Variants in ARHGAP32 observed in about 807,000 individuals in gnomAD.
The protein encoded by ARHGAP32 is Rho GTPase activating protein 32.
ARHGAP32 carries 51 observed loss-of-function variants against 186.5 expected under a neutral mutation model. That is an observed-to-expected ratio of 0.27 (90% CI 0.22 to 0.35). The LOEUF is 0.35. ARHGAP32 is among the 10% of genes least tolerant of loss of function. The pLI, the probability that ARHGAP32 is intolerant of heterozygous loss-of-function variation, is 1.00. For missense variants in ARHGAP32, 2,186 were observed against 2,623.5 expected (o/e 0.83, Z 3.64); for synonymous variants, 950 against 964.3 (o/e 0.99, Z 0.27).
At chr11:129,053,977 C>T (rs2135096032) in intron 10 of ARHGAP32, among the ~76,000 whole-genome samples, 1 of 151,978 alleles carries the variant, frequency 6.6e-6, no homozygotes, top group South Asian at 2.1e-4. Context: ...AGCTACTATA[C>T]AAGATAAGGT....
At chr11:129,239,002 TTTTG>T (rs1369872890) in intron 1 of ARHGAP32, among the ~76,000 whole-genome samples, 1 of 151,892 alleles carries the variant, frequency 6.6e-6, no homozygotes, top group African/African-American at 2.4e-5. Context: ...GCCCGTCTAA[TTTTG>T]TTTATTATTT....
At chr11:129,038,430 A>T (rs566290648) in intron 11 of ARHGAP32, among the ~76,000 whole-genome samples, 1 of 152,178 alleles carries the variant, frequency 6.6e-6, no homozygotes, top group East Asian at 1.9e-4. Flanking sequence ...TTAAATAAGG[A>T]ATCAAAAGCA....
At chr11:129,227,605 A>G (rs1479120596) in intron 1 of ARHGAP32, among the ~76,000 whole-genome samples, 1 of 152,092 alleles carries the variant, frequency 6.6e-6, no homozygotes, top group East Asian at 1.9e-4. Context: ...CAATACCAAA[A>G]GGAGAGATGA....
At chr11:129,193,262 A>AAGAGTT (rs1944300762), upstream of ARHGAP32, among the ~76,000 whole-genome samples, 1 of 121,810 alleles carries the variant, frequency 8.2e-6, no homozygotes, top group Non-Finnish European at 1.6e-5. Flanking sequence ...ACTTGAGCTC[A>AAGAGTT]AGAGTTCAAG....
intron 5 of ARHGAP32, among the ~76,000 whole-genome samples, chr11:129,104,700 A>T (rs1942002491): frequency 6.6e-6 from 1 of 152,082 alleles, no homozygotes; most frequent in Non-Finnish European, 1.5e-5. Context: ...AAGAGAAAGA[A>T]GATGGCCAAA....
intron 11 of ARHGAP32, among the ~76,000 whole-genome samples, chr11:129,017,284 T>C: frequency 6.6e-6 from 1 of 151,806 alleles, no homozygotes; most frequent in Admixed American, 6.6e-5. Context: ...CGAAAACCTG[T>C]CTCTACTAAA....
intron 5 of ARHGAP32, among the ~76,000 whole-genome samples, chr11:129,106,114 T>G (rs1487934644): frequency 6.6e-6 from 1 of 152,128 alleles, no homozygotes; most frequent in Non-Finnish European, 1.5e-5. Flanking sequence ...AGTTTGGAGA[T>G]ATCTCAAAAG....
chr11:128,989,359 G>A (rs1336284246), intron 12 of ARHGAP32, among the ~76,000 whole-genome samples: 1 of 151,976 alleles, frequency 6.6e-6, no homozygotes, highest in Admixed American at 6.6e-5. Flanking sequence ...TATCCTACAA[G>A]GAAAGTACTA....
At chr11:129,132,788 TCAGA>T (rs1349370916) in intron 2 of ARHGAP32, among the ~76,000 whole-genome samples, 2 of 152,168 alleles carry the variant, frequency 1.3e-5, no homozygotes, top group Non-Finnish European at 1.5e-5. Context: ...ATTGGACTAA[TCAGA>T]CAAAGACTTT....
chr11:129,205,671 G>A (rs967721318), intron 1 of ARHGAP32, among the ~76,000 whole-genome samples: 1 of 152,114 alleles, frequency 6.6e-6, no homozygotes, highest in Non-Finnish European at 1.5e-5. Flanking sequence ...TCAAAAAATG[G>A]AAGGTATAAT....
chr11:129,029,563 G>C (rs1352177072), intron 11 of ARHGAP32, among the ~76,000 whole-genome samples: 2 of 152,144 alleles, frequency 1.3e-5, no homozygotes, highest in Non-Finnish European at 2.9e-5. Context: ...CAGCACTTTG[G>C]GAGGCCGAGA....
chr11:129,278,516 A>T (rs995893139), intron 1 of ARHGAP32, among the ~76,000 whole-genome samples: 45 of 152,210 alleles, frequency 3.0e-4, no homozygotes, highest in Non-Finnish European at 6.0e-4. Flanking sequence ...AATCTTTAAC[A>T]TAAATATTTG....
chr11:129,096,788 C>T (rs920008951), intron 5 of ARHGAP32, among the ~76,000 whole-genome samples: 6 of 152,212 alleles, frequency 3.9e-5, no homozygotes, highest in East Asian at 1.9e-4. Context: ...AAAGGGCCAA[C>T]GCCCTTTTCC....
At chr11:128,992,803 A>G (rs1946097069) in intron 12 of ARHGAP32, among the ~76,000 whole-genome samples, 1 of 152,202 alleles carries the variant, frequency 6.6e-6, no homozygotes, top group South Asian at 2.1e-4. Flanking sequence ...AAAACAAAAC[A>G]AAAGGATGCC....
At chr11:129,058,660 C>T (rs145704640) in intron 10 of ARHGAP32, among the ~76,000 whole-genome samples, 1 of 152,330 alleles carries the variant, frequency 6.6e-6, no homozygotes, top group African/African-American at 2.4e-5. Context: ...CCCACTTAAA[C>T]CAATCAGGGC....
chr11:129,193,330 GGA>G (rs1444683679), upstream of ARHGAP32, among the ~76,000 whole-genome samples: 1 of 6,278 alleles, frequency 1.6e-4, no homozygotes, highest in Non-Finnish European at 2.4e-4. Flanking sequence ...GGGGGGGGCG[GGA>G]AACAGCCAAG....
intron 2 of ARHGAP32, among the ~76,000 whole-genome samples, chr11:129,143,379 T>C (rs1047334161): frequency 6.6e-6 from 1 of 152,188 alleles, no homozygotes; most frequent in African/African-American, 2.4e-5. Flanking sequence ...GGAAAATTCC[T>C]GAAAAAAACA....
chr11:129,185,843 T>C (rs948953431), intron 1 of ARHGAP32, among the ~76,000 whole-genome samples: 3 of 151,814 alleles, frequency 2.0e-5, no homozygotes, highest in Non-Finnish European at 4.4e-5. Context: ...AGAGAAAACC[T>C]GGGTGAAAGA....
At chr11:129,000,826 T>A (rs1946339438) in intron 11 of ARHGAP32, among the ~76,000 whole-genome samples, 1 of 151,992 alleles carries the variant, frequency 6.6e-6, no homozygotes, top group Non-Finnish European at 1.5e-5. Context: ...TCTGTCTCCA[T>A]GATTTCAACT....
Sources: gnomAD v4.1 joint callset for allele counts (sites outside exome capture counted in the v4.1 genomes callset) on GRCh38, gnomAD v4.1.1 for gene constraint, MANE v1.5 for transcripts, NCBI Gene and HGNC (gene_info 2026-07-23, HGNC 2026-07-21) for gene names.